UBE2H: variants seen among roughly 807,000 people sequenced by gnomAD.
The protein encoded by UBE2H is ubiquitin conjugating enzyme E2 H.
In UBE2H, 3 loss-of-function variants were observed where a neutral mutation model predicts 29.0. That is an observed-to-expected ratio of 0.10 (90% CI 0.05 to 0.27). The LOEUF is 0.27. Among genes scored for constraint, UBE2H ranks in the 10% least tolerant of loss-of-function variants. UBE2H has a pLI of 1.00. For synonymous variants in UBE2H, 69 were observed against 82.9 expected (o/e 0.83, Z 0.91); for missense variants, 68 against 228.2 (o/e 0.30, Z 4.52).
At chr7:129,864,485 T>C (rs1045248817) in intron 3 of UBE2H, among the ~76,000 whole-genome samples, 3 of 152,172 alleles carry the variant, frequency 2.0e-5, no homozygotes, top group East Asian at 1.9e-4. Flanking sequence ...TAAGTAGAAG[T>C]AGCAGGTTAT....
At chr7:129,928,048 T>A (rs956394920) in intron 1 of UBE2H, among the ~76,000 whole-genome samples, 3 of 140,032 alleles carry the variant, frequency 2.1e-5, no homozygotes, top group African/African-American at 5.1e-5. Context: ...AAAAAAAAAA[T>A]TTGGCTGGGC....
At chr7:129,883,896 G>A (rs917821096) in intron 1 of UBE2H, among the ~76,000 whole-genome samples, 1 of 151,976 alleles carries the variant, frequency 6.6e-6, no homozygotes, top group Non-Finnish European at 1.5e-5. Context: ...CATAATGTAT[G>A]GGTTTTACAG....
intron 1 of UBE2H, among the ~76,000 whole-genome samples, chr7:129,900,047 T>G (rs1288555977): frequency 6.6e-6 from 1 of 151,890 alleles, no homozygotes; most frequent in Non-Finnish European, 1.5e-5. Flanking sequence ...GGAGAATCGC[T>G]TGAACATGGG....
chr7:129,881,046 T>C, intron 1 of UBE2H, 75 bp from the exon 2 acceptor site: 1 of 1,357,170 alleles, frequency 7.4e-7, no homozygotes, highest in Non-Finnish European at 1.0e-6. Flanking sequence ...CCCAGGCATA[T>C]GCCACTTAAA....
chr7:129,859,012 C>T, intron 3 of UBE2H, 71 bp from the exon 4 acceptor site: 1 of 1,258,422 alleles, frequency 7.9e-7, no homozygotes, highest in Non-Finnish European at 1.2e-6. Context: ...GTACTGGAAA[C>T]AATTTCAGTA....
At chr7:129,846,236 G>A (rs186949793) in intron 5 of UBE2H, among the ~76,000 whole-genome samples, 48 of 152,204 alleles carry the variant, frequency 3.2e-4, no homozygotes, top group African/African-American at 1.2e-3. Context: ...AGCTGGGCAA[G>A]GTGGTTCATG....
intron 1 of UBE2H, among the ~76,000 whole-genome samples, chr7:129,898,171 T>C (rs994835438): frequency 5.9e-5 from 9 of 152,212 alleles, no homozygotes; most frequent in African/African-American, 1.9e-4. Context: ...AAGTAGACTG[T>C]ATCTAGGTGT....
intron 3 of UBE2H, among the ~76,000 whole-genome samples, chr7:129,860,717 T>G (rs899252522): frequency 2.6e-5 from 4 of 151,964 alleles, no homozygotes; most frequent in Admixed American, 1.3e-4. Flanking sequence ...GAGTTTTGTT[T>G]TTTTTTTTTA....
At chr7:129,859,885 C>CTA (rs1805768605) in intron 3 of UBE2H, among the ~76,000 whole-genome samples, 1 of 152,104 alleles carries the variant, frequency 6.6e-6, no homozygotes, top group Non-Finnish European at 1.5e-5. Context: ...TCCCCACAGT[C>CTA]TCTCTCTCTC....
At chr7:129,889,928 G>C (rs1294382647) in intron 1 of UBE2H, among the ~76,000 whole-genome samples, 1 of 151,992 alleles carries the variant, frequency 6.6e-6, no homozygotes, top group East Asian at 1.9e-4. Context: ...AGTTAAGTTA[G>C]AGACCAGCAT....
chr7:129,934,222 T>C (rs986094675), intron 1 of UBE2H, among the ~76,000 whole-genome samples: 6 of 152,116 alleles, frequency 3.9e-5, no homozygotes, highest in Non-Finnish European at 4.4e-5. Flanking sequence ...CTCAGGAGGC[T>C]GAGGCAGGAG....
chr7:129,890,029 C>T (rs1584768049), intron 1 of UBE2H, among the ~76,000 whole-genome samples: 1 of 151,914 alleles, frequency 6.6e-6, no homozygotes, highest in African/African-American at 2.4e-5. Flanking sequence ...GCTACTTTGA[C>T]GGCTGAGGCA....
intron 5 of UBE2H, among the ~76,000 whole-genome samples, chr7:129,841,011 G>A (rs1165704598): frequency 1.3e-5 from 2 of 152,178 alleles, no homozygotes; most frequent in Non-Finnish European, 2.9e-5. Flanking sequence ...GTGAAGGCCA[G>A]GGAAGCTGCT....
intron 6 of UBE2H, among the ~76,000 whole-genome samples, chr7:129,836,760 A>G (rs919707032): frequency 1.3e-4 from 20 of 151,854 alleles, no homozygotes; most frequent in Non-Finnish European, 2.4e-4. Flanking sequence ...CATGCCTGTA[A>G]TCCCAGCTAC....
At chr7:129,900,160 A>C (rs1353830238) in intron 1 of UBE2H, among the ~76,000 whole-genome samples, 1 of 152,054 alleles carries the variant, frequency 6.6e-6, no homozygotes, top group Non-Finnish European at 1.5e-5. Context: ...TAATAAAATA[A>C]ATCTATGCCC....
chr7:129,867,231 C>T (rs1805922439), intron 3 of UBE2H, among the ~76,000 whole-genome samples: 1 of 152,070 alleles, frequency 6.6e-6, no homozygotes, highest in African/African-American at 2.4e-5. Flanking sequence ...ATTAAGAAGA[C>T]CATCCTACAC....
At chr7:129,905,084 A>G (rs2116432043) in intron 1 of UBE2H, among the ~76,000 whole-genome samples, 1 of 152,104 alleles carries the variant, frequency 6.6e-6, no homozygotes, top group East Asian at 1.9e-4. Flanking sequence ...TTTGAAAGAG[A>G]AAATCTGGTT....
chr7:129,840,120 A>G (rs1805401325), intron 5 of UBE2H, among the ~76,000 whole-genome samples: 1 of 152,232 alleles, frequency 6.6e-6, no homozygotes, highest in South Asian at 2.1e-4. Flanking sequence ...AGGAATCTAT[A>G]TGGACCACAT....
chr7:129,929,364 G>A (rs1010269318), intron 1 of UBE2H, among the ~76,000 whole-genome samples: 1 of 149,116 alleles, frequency 6.7e-6, no homozygotes, highest in East Asian at 2.0e-4. Flanking sequence ...ACCATATCCC[G>A]TAGCTCAAGA....
Sources: allele counts gnomAD v4.1 joint callset (sites outside exome capture counted in the v4.1 genomes callset), GRCh38; gene constraint gnomAD v4.1.1; transcripts MANE v1.5; gene names NCBI Gene and HGNC (gene_info 2026-07-23, HGNC 2026-07-21).